Variants in BICC1 observed in about 807,000 individuals in gnomAD.
BICC1 encodes BicC family RNA binding protein 1.
BICC1 carries 43 observed loss-of-function variants against 111.0 expected under a neutral mutation model. The ratio of observed to expected loss-of-function variants is 0.39; its 90% CI spans 0.30 to 0.50. The LOEUF (loss-of-function observed/expected upper bound fraction) is 0.50, where lower values mean the gene tolerates loss of function less well. Among genes scored for constraint, BICC1 ranks in the 20% least tolerant of loss-of-function variants. BICC1 has a pLI of 0.88. For missense variants in BICC1, 1,091 were observed against 1,203.2 expected, an observed-to-expected ratio of 0.91 and a Z score of 1.38; for synonymous variants, 467 against 434.4, an observed-to-expected ratio of 1.07 and a Z score of -0.93.
chr10:58,552,527 G>A (rs2131919451), intron 1 of BICC1, among the ~76,000 whole-genome samples: 1 of 152,108 alleles, frequency 6.6e-6, no homozygotes, highest in East Asian at 1.9e-4. Flanking sequence ...AGAAGAGATG[G>A]GGTTTCACCG....
intron 2 of BICC1, among the ~76,000 whole-genome samples, chr10:58,656,181 A>G (rs906329692): frequency 2.0e-5 from 3 of 152,052 alleles, no homozygotes; most frequent in Non-Finnish European, 2.9e-5. Context: ...GACCAATAAC[A>G]GGAGCTGAAA....
intron 1 of BICC1, among the ~76,000 whole-genome samples, chr10:58,601,170 A>ATATATATATATATATATC (rs1277649903): frequency 1.5e-5 from 2 of 136,434 alleles, no homozygotes; most frequent in Non-Finnish European, 3.2e-5. Flanking sequence ...ATATATATAT[A>ATATATATATATATATATC]TCTCCCAATA....
At chr10:58,540,261 A>C (rs1473430311) in intron 1 of BICC1, among the ~76,000 whole-genome samples, 1 of 151,566 alleles carries the variant, frequency 6.6e-6, no homozygotes, top group Non-Finnish European at 1.5e-5. Flanking sequence ...GGGAGGAATA[A>C]AAATTAGAGT....
intron 1 of BICC1, among the ~76,000 whole-genome samples, chr10:58,522,868 G>A (rs934812687): frequency 6.6e-6 from 1 of 151,466 alleles, no homozygotes; most frequent in African/African-American, 2.4e-5. Context: ...ATGATAAAGG[G>A]GATATCACCA....
intron 2 of BICC1, among the ~76,000 whole-genome samples, chr10:58,631,737 T>C (rs1052258067): frequency 2.6e-5 from 4 of 152,216 alleles, no homozygotes; most frequent in African/African-American, 7.2e-5. Flanking sequence ...AGTTCATCAC[T>C]AATTTTATGA....
At chr10:58,534,567 G>A (rs951252826) in intron 1 of BICC1, among the ~76,000 whole-genome samples, 3 of 150,742 alleles carry the variant, frequency 2.0e-5, no homozygotes, top group African/African-American at 7.3e-5. Context: ...ACCCTCAAGG[G>A]GAATAAAAGA....
chr10:58,729,184 C>CT (rs570785593), intron 3 of BICC1, among the ~76,000 whole-genome samples: 1 of 152,136 alleles, frequency 6.6e-6, no homozygotes, highest in African/African-American at 2.4e-5. Context: ...TAGATGACAC[C>CT]TTTTTTTCCA....
rs1324536514 is a variant in BICC1 at position 58,663,286 on chromosome 10, C to T, written c.238-38788C>T. On this transcript the variant is annotated intron_variant, in intron 2 of 20. Coordinates refer to ENST00000373886, the MANE Select transcript of BICC1 (RefSeq NM_001080512.3). ...TTCACCATGTTGACCAGGCTGGTCT[C>T]GAACTCCTGTCCTCAGGTGATCCAC... is the stretch of plus-strand genomic sequence containing the variant. 3.3e-5 allele frequency among the ~76,000 whole-genome samples: 5 copies of T among 151,994 alleles called. No individual in the cohort carries two copies. In the South Asian group the frequency reaches 6.2e-4, roughly 19 times the overall value.
intron 20 of BICC1, 97 bp from the exon 21 acceptor site, chr10:58,828,664 C>T: frequency 7.5e-7 from 1 of 1,340,358 alleles, no homozygotes; most frequent in Non-Finnish European, 1.0e-6. Flanking sequence ...CCTCAAAAAA[C>T]CTACCACGTC....
rs182299697 is a variant in BICC1, at chr10:58,679,603, A to C, written c.238-22471A>C. Reference sequence around the variant, plus strand: ...TGGATTCACAGCCGAATTGTACCAGAGGTACAAAGAGGAGCTGGTACCATT... The same window carrying C: ...TGGATTCACAGCCGAATTGTACCAGCGGTACAAAGAGGAGCTGGTACCATT... On this transcript the variant is annotated intron_variant, in intron 2 of 20. Coordinates refer to ENST00000373886, the MANE Select transcript of BICC1 (RefSeq NM_001080512.3). 5.3e-3 allele frequency among the ~76,000 whole-genome samples: 808 copies of C among 152,344 alleles called. 34 individuals are homozygous for C. Among genetic ancestry groups the C allele is most frequent in the Admixed American group, 0.045 (684 of 15,296 alleles).
At chr10:58,768,224 C>CT (rs1842512379) in intron 3 of BICC1, among the ~76,000 whole-genome samples, 1 of 152,124 alleles carries the variant, frequency 6.6e-6, no homozygotes, top group Admixed American at 6.6e-5. Flanking sequence ...TAAAAGAAGA[C>CT]TGTCAGTTAG....
intron 1 of BICC1, among the ~76,000 whole-genome samples, chr10:58,586,224 C>CA (rs755278366): frequency 4.5e-4 from 69 of 152,078 alleles, no homozygotes; most frequent in Non-Finnish European, 8.7e-4. Flanking sequence ...TCCATCCATC[C>CA]AGTATTATTA....
intron 3 of BICC1, chr10:58,715,740 GA>G (rs1401090371): frequency 1.9e-6 from 3 of 1,544,282 alleles, no homozygotes; most frequent in Non-Finnish European, 2.7e-6. Context: ...TGAATTTGAA[GA>G]AAAAATGAAT....
rs1301554449 is a variant in BICC1 at position 58,648,312 on chromosome 10, A to G, written c.237+27411A>G. 2.0e-5 allele frequency among the ~76,000 whole-genome samples: 3 copies of G among 152,246 alleles called. No homozygotes were observed. The East Asian group carries it at 5.8e-4, about 29-fold the overall frequency. On this transcript the variant is annotated intron_variant, in intron 2 of 20. Transcript: ENST00000373886. ...TCTTTGAACTGTGTTCTCATATGTA[A>G]CAGATTGTACACAACTCAGTGCTTC... is the stretch of plus-strand genomic sequence containing the variant.
At chr10:58,518,064 T>G (rs1251352110) in intron 1 of BICC1, among the ~76,000 whole-genome samples, 1 of 152,150 alleles carries the variant, frequency 6.6e-6, no homozygotes, top group East Asian at 1.9e-4. Flanking sequence ...AAATACTAAG[T>G]AAAGCTCCAT....
intron 1 of BICC1, among the ~76,000 whole-genome samples, chr10:58,544,186 A>G (rs1843074072): frequency 6.6e-6 from 1 of 152,192 alleles, no homozygotes; most frequent in South Asian, 2.1e-4. Flanking sequence ...ATTTGGTGTT[A>G]AAATGCACCC....
intron 9 of BICC1, among the ~76,000 whole-genome samples, chr10:58,794,963 T>A (rs1347932699): frequency 2.0e-5 from 3 of 152,194 alleles, no homozygotes; most frequent in Non-Finnish European, 4.4e-5. Context: ...CATCGTAGTA[T>A]GTAGTCAATG....
At chr10:58,740,035 T>C (rs1407023237) in intron 3 of BICC1, among the ~76,000 whole-genome samples, 2 of 152,192 alleles carry the variant, frequency 1.3e-5, no homozygotes, top group Admixed American at 6.5e-5. Flanking sequence ...TGCTTGATGA[T>C]GTCTAGCTGG....
intron 1 of BICC1, among the ~76,000 whole-genome samples, chr10:58,616,377 TCTTAA>T (rs1845607036): frequency 6.6e-6 from 1 of 152,200 alleles, no homozygotes; most frequent in African/African-American, 2.4e-5. Flanking sequence ...AATGAAGTAC[TCTTAA>T]CTTTGTGCAA....
Sources: allele counts gnomAD v4.1 joint callset (sites outside exome capture counted in the v4.1 genomes callset), GRCh38; gene constraint gnomAD v4.1.1; transcripts MANE v1.5; gene names NCBI Gene and HGNC (gene_info 2026-07-23, HGNC 2026-07-21).